Variants in TGFBR2 observed in about 807,000 individuals in gnomAD.
TGFBR2 encodes transforming growth factor beta receptor 2.
Under a neutral mutation model 49.0 loss-of-function variants are expected in TGFBR2, and 18 were observed. That is an observed-to-expected ratio of 0.37 (90% CI 0.25 to 0.54). The LOEUF is 0.54. Ranked by LOEUF, TGFBR2 falls within the 20% of genes least tolerant of loss-of-function variation. The pLI, the probability that TGFBR2 is intolerant of heterozygous loss-of-function variation, is 0.85. For synonymous variants in TGFBR2, 282 were observed against 275.9 expected, an observed-to-expected ratio of 1.02 and a Z score of -0.22; for missense variants, 525 against 722.6, an observed-to-expected ratio of 0.73 and a Z score of 3.13.
At chr3:30,623,341 T>G in intron 1 of TGFBR2, 1 of 1,557,566 alleles carries the variant, frequency 6.4e-7, no homozygotes, top group Non-Finnish European at 8.8e-7. Flanking sequence ...ACTGCTTAAT[T>G]TGTAAGTAAA....
At chr3:30,612,163 A>G (rs538253879) in intron 1 of TGFBR2, among the ~76,000 whole-genome samples, 1 of 152,374 alleles carries the variant, frequency 6.6e-6, no homozygotes, top group African/African-American at 2.4e-5. Flanking sequence ...GAGAAAGACA[A>G]TTAACATTTG....
chr3:30,612,874 C>T (rs1365396521), intron 1 of TGFBR2, among the ~76,000 whole-genome samples: 1 of 152,146 alleles, frequency 6.6e-6, no homozygotes, highest in Non-Finnish European at 1.5e-5. Flanking sequence ...CTTCCTCACC[C>T]ATTACATCAG....
intron 3 of TGFBR2, among the ~76,000 whole-genome samples, chr3:30,662,537 A>G (rs1446200178): frequency 1.3e-5 from 2 of 152,236 alleles, no homozygotes; most frequent in Non-Finnish European, 2.9e-5. Flanking sequence ...AATACTCTCA[A>G]AATATATCCA....
At chr3:30,685,436 AG>A (rs1325978005) in intron 5 of TGFBR2, among the ~76,000 whole-genome samples, 2 of 152,182 alleles carry the variant, frequency 1.3e-5, no homozygotes, top group Non-Finnish European at 2.9e-5. Context: ...CTTTACTAGA[AG>A]TGGAGTCTGA....
upstream of TGFBR2, chr3:30,606,486 A>G: frequency 4.1e-6 from 1 of 243,888 alleles, no homozygotes; most frequent in Non-Finnish European, 8.0e-6. Context: ...CGAGAGAGCT[A>G]GGGGCTGGAC....
Position 30,647,764 on chromosome 3 carries a change from C to T in TGFBR2, c.264-2506C>T, listed in dbSNP as rs140972955. 1.1e-3 allele frequency among the ~76,000 whole-genome samples: 170 copies of T among 152,252 alleles called. 1 individual carries two copies. The highest frequency in any genetic ancestry group is 3.8e-3 in the African/African-American group (157 of 41,538). On this transcript the variant is annotated intron_variant, in intron 2 of 6. Coordinates refer to ENST00000295754, the MANE Select transcript of TGFBR2 (RefSeq NM_003242.6). ...TGATCTGGGCTCACTGCAACCTCTG[C>T]CTCCCGGGTTCGTGCGATTCTCCTG... is the stretch of plus-strand genomic sequence containing the variant.
At chr3:30,650,110 C>T (rs1698850800) in intron 2 of TGFBR2, among the ~76,000 whole-genome samples, 160 bp from the exon 3 acceptor site, 1 of 152,142 alleles carries the variant, frequency 6.6e-6, no homozygotes, top group Admixed American at 6.5e-5. Flanking sequence ...ATAGGACAGC[C>T]TGCGAATGCT....
At chr3:30,655,590 T>C (rs1055181307) in intron 3 of TGFBR2, among the ~76,000 whole-genome samples, 3 of 152,228 alleles carry the variant, frequency 2.0e-5, no homozygotes, top group African/African-American at 7.2e-5. Flanking sequence ...TTCACATAAG[T>C]GATTAGGGTA....
chr3:30,633,764 A>G (rs2125394388), intron 1 of TGFBR2, among the ~76,000 whole-genome samples: 1 of 152,302 alleles, frequency 6.6e-6, no homozygotes, highest in South Asian at 2.1e-4. Flanking sequence ...GAAATCTCTG[A>G]ATTTTAAAAC....
intron 5 of TGFBR2, among the ~76,000 whole-genome samples, chr3:30,683,036 A>G (rs1487462101): frequency 6.6e-6 from 1 of 152,218 alleles, no homozygotes; most frequent in Admixed American, 6.5e-5. Flanking sequence ...TAACAGTAAT[A>G]AAGTGCACAA....
intron 6 of TGFBR2, 125 bp from the exon 7 acceptor site, chr3:30,691,295 T>A: frequency 1.9e-6 from 2 of 1,033,100 alleles, no homozygotes; most frequent in Non-Finnish European, 2.9e-6. Flanking sequence ...AGTCAGCACA[T>A]GTTAAATGCA....
intron 1 of TGFBR2, among the ~76,000 whole-genome samples, chr3:30,609,028 G>A (rs1194793353): frequency 6.6e-6 from 1 of 152,152 alleles, no homozygotes; most frequent in Admixed American, 6.5e-5. Flanking sequence ...AATAGTTCAC[G>A]AGTCACTTTC....
intron 2 of TGFBR2, among the ~76,000 whole-genome samples, chr3:30,647,105 T>C (rs1345496665): frequency 6.6e-6 from 1 of 152,160 alleles, no homozygotes; most frequent in African/African-American, 2.4e-5. Context: ...ACCAAGGCAC[T>C]CATTCCCTGG....
rs533229176 is a variant in TGFBR2 at position 30,662,084 on chromosome 3, C to T, written c.455-9554C>T. Among the ~76,000 whole-genome samples, 45 of 152,122 alleles carry T rather than the reference C, an allele frequency of 3.0e-4. No homozygotes were observed. In the South Asian group the frequency reaches 3.5e-3, roughly 12 times the overall value. On this transcript the variant is annotated intron_variant, in intron 3 of 6. Transcript: ENST00000295754. ...TTAATAGTTCTCATCCCATAGAAAA[C>T]GGATTCATTTTGTTACTTTTTGCTT...
chr3:30,688,542 A>G (rs1451299329), intron 6 of TGFBR2, 31 bp downstream of exon 6: 3 of 1,613,766 alleles, frequency 1.9e-6, no homozygotes, highest in Non-Finnish European at 2.5e-6. Flanking sequence ...AAGGTCAGTA[A>G]GATTCAACCA....
chr3:30,657,024 G>A (rs1157795256), intron 3 of TGFBR2, among the ~76,000 whole-genome samples: 1 of 152,152 alleles, frequency 6.6e-6, no homozygotes, highest in Non-Finnish European at 1.5e-5. Context: ...TGAAACCCGT[G>A]AATTGGCTCC....
chr3:30,681,794 A>T (rs900072687), intron 5 of TGFBR2, among the ~76,000 whole-genome samples: 1 of 152,222 alleles, frequency 6.6e-6, no homozygotes, highest in Non-Finnish European at 1.5e-5. Flanking sequence ...CTGTGTAGGC[A>T]TATGTCTTGG....
intron 5 of TGFBR2, among the ~76,000 whole-genome samples, chr3:30,675,078 C>T (rs572603884): frequency 5.5e-4 from 83 of 152,244 alleles, no homozygotes; most frequent in Non-Finnish European, 9.4e-4. Context: ...GAAGTATTAT[C>T]CCTTGTTGTC....
chr3:30,638,896 C>T (rs1698591857), intron 1 of TGFBR2, among the ~76,000 whole-genome samples: 1 of 152,142 alleles, frequency 6.6e-6, no homozygotes, highest in Admixed American at 6.5e-5. Flanking sequence ...CAGGCCACAG[C>T]GGCTTTCTGC....
Sources: allele counts gnomAD v4.1 joint callset (sites outside exome capture counted in the v4.1 genomes callset), GRCh38; gene constraint gnomAD v4.1.1; transcripts MANE v1.5; gene names NCBI Gene and HGNC (gene_info 2026-07-23, HGNC 2026-07-21).